The following PGCKA1 variants were observed in gnomAD, a reference collection of about 807,000 sequenced individuals.
The protein encoded by PGCKA1 is PDCD10 and GCKIII kinases associated 1, also known as PDCD10 and GCKIII kinases-associated protein 1.
At chr4:37,508,931 A>G in the PGCKA1 span, among the ~76,000 whole-genome samples, 1 of 149,650 alleles carries the variant, frequency 6.7e-6, no homozygotes, top group Non-Finnish European at 1.5e-5. Context: ...CACATCTTGC[A>G]CCGCCCTTAA....
the PGCKA1 span, chr4:37,590,773 G>A: frequency 6.2e-7 from 1 of 1,613,972 alleles, no homozygotes; most frequent in Non-Finnish European, 8.5e-7. Context: ...GAGAAGCTGG[G>A]ATTCATTGAA....
At chr4:37,516,746 CT>C in the PGCKA1 span, among the ~76,000 whole-genome samples, 1 of 152,310 alleles carries the variant, frequency 6.6e-6, no homozygotes, top group East Asian at 1.9e-4. Context: ...TCCTTCCCCT[CT>C]TTAAAAGCAA....
At chr4:37,516,106 G>T in the PGCKA1 span, among the ~76,000 whole-genome samples, 5 of 152,130 alleles carry the variant, frequency 3.3e-5, no homozygotes, top group Non-Finnish European at 7.3e-5. Context: ...TTTAGGTATG[G>T]AATTTAAGAG....
At chr4:37,495,504 T>C in the PGCKA1 span, among the ~76,000 whole-genome samples, 3 of 152,094 alleles carry the variant, frequency 2.0e-5, no homozygotes, top group African/African-American at 7.2e-5. Context: ...ATATAGCACA[T>C]ATACACCATG....
At chr4:37,458,013 A>G in the PGCKA1 span, among the ~76,000 whole-genome samples, 2 of 152,358 alleles carry the variant, frequency 1.3e-5, no homozygotes, top group African/African-American at 4.8e-5. Flanking sequence ...ATTGTGTTCA[A>G]AACTATCTGT....
chr4:37,528,373 A>C, the PGCKA1 span, among the ~76,000 whole-genome samples: 2 of 152,142 alleles, frequency 1.3e-5, no homozygotes, highest in African/African-American at 4.8e-5. Context: ...CACAGAGCCA[A>C]CCTGCAGCCG....
At chr4:37,454,169 T>G in the PGCKA1 span, 26 of 152,178 alleles carry the variant, frequency 1.7e-4, 1 homozygote, top group Non-Finnish European at 1.5e-5. Context: ...GATTTGCTTT[T>G]GCCCTGAAAA....
the PGCKA1 span, among the ~76,000 whole-genome samples, chr4:37,486,029 T>G: frequency 6.6e-6 from 1 of 152,244 alleles, no homozygotes; most frequent in South Asian, 2.1e-4. Flanking sequence ...TAAGTTAATT[T>G]GAGACGGATA....
the PGCKA1 span, among the ~76,000 whole-genome samples, chr4:37,458,789 A>G: frequency 6.6e-6 from 1 of 152,224 alleles, no homozygotes; most frequent in Non-Finnish European, 1.5e-5. Flanking sequence ...AATGGGAGGA[A>G]CTGCAACGTT....
chr4:37,563,863 G>C, the PGCKA1 span, among the ~76,000 whole-genome samples: 1 of 152,186 alleles, frequency 6.6e-6, no homozygotes, highest in Non-Finnish European at 1.5e-5. Context: ...AGCAAAATCA[G>C]AGACATTCCC....
the PGCKA1 span, among the ~76,000 whole-genome samples, chr4:37,526,433 G>A: frequency 6.6e-6 from 1 of 152,124 alleles, no homozygotes; most frequent in East Asian, 1.9e-4. Context: ...TTAAGAAATT[G>A]CCTGACTGAC....
the PGCKA1 span, among the ~76,000 whole-genome samples, chr4:37,473,145 G>A: frequency 5.9e-5 from 9 of 152,066 alleles, no homozygotes; most frequent in East Asian, 5.8e-4. Flanking sequence ...GTGAAAATGC[G>A]CTAAGAAGGT....
chr4:37,464,546 T>C, the PGCKA1 span, among the ~76,000 whole-genome samples: 1 of 152,032 alleles, frequency 6.6e-6, no homozygotes, highest in Admixed American at 6.5e-5. Flanking sequence ...AAATGTAAAA[T>C]ACATCTGGAC....
At chr4:37,558,659 C>A in the PGCKA1 span, among the ~76,000 whole-genome samples, 25 of 148,774 alleles carry the variant, frequency 1.7e-4, no homozygotes, top group African/African-American at 6.3e-4. Flanking sequence ...GAACAGGCAA[C>A]CTACAAAATG....
the PGCKA1 span, among the ~76,000 whole-genome samples, chr4:37,530,857 C>T: frequency 6.6e-6 from 1 of 151,846 alleles, no homozygotes; most frequent in Non-Finnish European, 1.5e-5. Context: ...TGGTGGTGGG[C>T]ACCTGTAATC....
chr4:37,480,853 T>C, the PGCKA1 span, among the ~76,000 whole-genome samples: 1 of 152,268 alleles, frequency 6.6e-6, no homozygotes, highest in Non-Finnish European at 1.5e-5. Context: ...GCCATTAGGC[T>C]GATGCCTTTT....
chr4:37,455,102 AAAG>A, the PGCKA1 span, among the ~76,000 whole-genome samples: 1 of 152,200 alleles, frequency 6.6e-6, no homozygotes, highest in Non-Finnish European at 1.5e-5. Flanking sequence ...TATCTGGAGA[AAAG>A]AAGAGAAGCA....
the PGCKA1 span, among the ~76,000 whole-genome samples, chr4:37,516,268 C>T: frequency 6.6e-6 from 1 of 152,202 alleles, no homozygotes; most frequent in Non-Finnish European, 1.5e-5. Context: ...TGTAGAAAAG[C>T]TCCTGACAAG....
chr4:37,455,074 A>G, the PGCKA1 span, among the ~76,000 whole-genome samples: 1 of 152,198 alleles, frequency 6.6e-6, no homozygotes, highest in African/African-American at 2.4e-5. Flanking sequence ...CAATCAAGCA[A>G]GCTCTTATGA....
Sources: gnomAD v4.1 joint callset for allele counts (sites outside exome capture counted in the v4.1 genomes callset) on GRCh38, gnomAD v4.1.1 for gene constraint, MANE v1.5 for transcripts, NCBI Gene and HGNC (gene_info 2026-07-23, HGNC 2026-07-21) for gene names.